CADPS2: variants seen among roughly 807,000 people sequenced by gnomAD.
CADPS2 encodes calcium dependent secretion activator 2.
Under a neutral mutation model 172.5 loss-of-function variants are expected in CADPS2, and 93 were observed. That is an observed-to-expected ratio of 0.54 (90% confidence interval 0.46 to 0.64). The LOEUF is 0.64. Among genes scored for constraint, CADPS2 ranks in the 30% least tolerant of loss-of-function variants. The pLI, the probability that CADPS2 is intolerant of heterozygous loss-of-function variation, is 0.00. For synonymous variants in CADPS2, 546 were observed against 555.2 expected (o/e 0.98, Z 0.23); for missense variants, 1,420 against 1,565.9 (o/e 0.91, Z 1.57).
chr7:122,883,914 TAAC>T (rs1258386926), intron 1 of CADPS2, among the ~76,000 whole-genome samples: 1 of 152,214 alleles, frequency 6.6e-6, no homozygotes, highest in African/African-American at 2.4e-5. Flanking sequence ...GATAAGGTTA[TAAC>T]AATAGTCTCC....
chr7:122,520,045 A>C (rs2060662235), intron 8 of CADPS2, among the ~76,000 whole-genome samples: 1 of 152,064 alleles, frequency 6.6e-6, no homozygotes, highest in Admixed American at 6.6e-5. Context: ...ACTATTAATA[A>C]GGTAGCTGGA....
chr7:122,491,113 CA>C (rs2058243072), intron 10 of CADPS2, among the ~76,000 whole-genome samples, 198 bp downstream of exon 10: 1 of 152,042 alleles, frequency 6.6e-6, no homozygotes, highest in Non-Finnish European at 1.5e-5. Flanking sequence ...AAAATAATAA[CA>C]AATATGATGA....
intron 3 of CADPS2, among the ~76,000 whole-genome samples, chr7:122,661,745 C>T (rs568389231): frequency 4.7e-4 from 72 of 152,244 alleles, no homozygotes; most frequent in African/African-American, 1.5e-3. Context: ...TTTCGCTCAA[C>T]TTGGATTCCC....
At chr7:122,533,749 C>T (rs776179830) in intron 8 of CADPS2, among the ~76,000 whole-genome samples, 5 of 152,112 alleles carry the variant, frequency 3.3e-5, no homozygotes, top group Admixed American at 6.6e-5. Context: ...AAACGATTCT[C>T]AATATGTAAT....
chr7:122,333,521 C>T (rs1316519322), intron 28 of CADPS2, among the ~76,000 whole-genome samples: 1 of 152,222 alleles, frequency 6.6e-6, no homozygotes. Flanking sequence ...TCTATACCTT[C>T]GGTCTCTGGG....
chr7:122,464,882 T>C (rs1194479284), intron 14 of CADPS2, among the ~76,000 whole-genome samples: 2 of 152,216 alleles, frequency 1.3e-5, no homozygotes, highest in African/African-American at 4.8e-5. Context: ...GAATAAGGAC[T>C]GGTGTTCAGT....
intron 2 of CADPS2, chr7:122,697,690 A>G: frequency 2.2e-6 from 2 of 903,220 alleles, no homozygotes; most frequent in Non-Finnish European, 1.6e-6. Context: ...GTAACAAAAA[A>G]GGACACAAAA....
intron 7 of CADPS2, among the ~76,000 whole-genome samples, chr7:122,575,768 G>A (rs2067957878): frequency 1.3e-5 from 2 of 152,062 alleles, no homozygotes; most frequent in South Asian, 2.1e-4. Flanking sequence ...AGTATATGCT[G>A]AGGCATTTCA....
intron 3 of CADPS2, among the ~76,000 whole-genome samples, chr7:122,632,175 A>C (rs117041621): frequency 0.028 from 4,202 of 152,230 alleles, 86 homozygotes; most frequent in South Asian, 0.093. Flanking sequence ...TATGGGTGCA[A>C]GTGTCCTTTT....
At chr7:122,616,158 T>C (rs2074890112) in intron 5 of CADPS2, among the ~76,000 whole-genome samples, 2 of 152,226 alleles carry the variant, frequency 1.3e-5, no homozygotes, top group South Asian at 4.1e-4. Flanking sequence ...TCATGAACTC[T>C]TCTAAATTCT....
intron 17 of CADPS2, among the ~76,000 whole-genome samples, chr7:122,418,192 T>G (rs891377487): frequency 2.0e-5 from 3 of 151,982 alleles, no homozygotes; most frequent in Non-Finnish European, 4.4e-5. Context: ...AAAAGTTACA[T>G]TTTCTTGAGA....
intron 2 of CADPS2, among the ~76,000 whole-genome samples, chr7:122,668,093 C>T (rs1477751003): frequency 6.6e-6 from 1 of 152,122 alleles, no homozygotes; most frequent in Admixed American, 6.5e-5. Context: ...TCAGTTATCA[C>T]ATGAACACAA....
At chr7:122,482,581 A>C (rs2057415997) in intron 11 of CADPS2, among the ~76,000 whole-genome samples, 1 of 152,192 alleles carries the variant, frequency 6.6e-6, no homozygotes, top group South Asian at 2.1e-4. Flanking sequence ...ATTCTAAAAA[A>C]ATTTACAAAA....
intron 6 of CADPS2, among the ~76,000 whole-genome samples, chr7:122,607,574 AT>A (rs574027019): frequency 6.6e-6 from 1 of 152,054 alleles, no homozygotes; most frequent in South Asian, 2.1e-4. Flanking sequence ...TTTCTCCCAA[AT>A]TTTCTCATGC....
chr7:122,617,393 T>A (rs1387337604), intron 5 of CADPS2, among the ~76,000 whole-genome samples: 3 of 152,178 alleles, frequency 2.0e-5, no homozygotes, highest in African/African-American at 7.2e-5. Context: ...CCATGGACCA[T>A]CAGCTAATCT....
intron 1 of CADPS2, among the ~76,000 whole-genome samples, chr7:122,838,726 A>T (rs375625167): frequency 6.6e-6 from 1 of 152,252 alleles, no homozygotes; most frequent in East Asian, 1.9e-4. Context: ...TACAAGGGAT[A>T]TGAAGGACCT....
At position 122,417,977 on chromosome 7, in the gene CADPS2, C is replaced by A. The variant is rs1318414839; in HGVS notation, c.2477-1813G>T. On this transcript the variant is annotated intron_variant, in intron 17 of 29. Transcript: ENST00000449022. ...CTGAGGTCAGGAGTTCGAAACCAGC[C>A]TGGCCAACATGGCGAAACCCCATCT... Among the ~76,000 whole-genome samples the A allele has an allele frequency of 2.6e-5, 4 of 152,076 alleles. No individual in the cohort carries two copies. The East Asian group carries it at 5.8e-4, about 22-fold the overall frequency.
intron 2 of CADPS2, among the ~76,000 whole-genome samples, chr7:122,728,860 G>A (rs2091361797): frequency 6.6e-6 from 1 of 151,630 alleles, no homozygotes; most frequent in African/African-American, 2.4e-5. Context: ...AGGGTATTCA[G>A]GATGTCTATC....
intron 17 of CADPS2, among the ~76,000 whole-genome samples, chr7:122,423,190 G>A (rs1362475924): frequency 1.3e-5 from 2 of 152,016 alleles, no homozygotes; most frequent in African/African-American, 4.8e-5. Flanking sequence ...GCAACCTGTG[G>A]TAAGTTACAT....
Sources: gnomAD v4.1 joint callset for allele counts (sites outside exome capture counted in the v4.1 genomes callset) on GRCh38, gnomAD v4.1.1 for gene constraint, MANE v1.5 for transcripts, NCBI Gene and HGNC (gene_info 2026-07-23, HGNC 2026-07-21) for gene names.